Variants in PTPN13 observed in about 807,000 individuals in gnomAD.
The protein encoded by PTPN13 is tyrosine-protein phosphatase non-receptor type 13.
PTPN13 carries 191 observed loss-of-function variants against 284.0 expected under a neutral mutation model. That is an observed-to-expected ratio of 0.67 (90% CI 0.60 to 0.76). The LOEUF is 0.76. Ranked by LOEUF, PTPN13 falls within the 30% of genes least tolerant of loss-of-function variation. The pLI, the probability that PTPN13 is intolerant of heterozygous loss-of-function variation, is 0.00. For synonymous variants in PTPN13, 986 were observed against 1,022.3 expected (o/e 0.96, Z 0.68); for missense variants, 2,797 against 2,939.9 (o/e 0.95, Z 1.12).
chr4:86,752,348 A>G (rs1226289026), intron 19 of PTPN13, among the ~76,000 whole-genome samples: 2 of 152,198 alleles, frequency 1.3e-5, no homozygotes, highest in South Asian at 4.1e-4. Flanking sequence ...ATAAATATTT[A>G]TGGAAGCAAC....
rs62305597 is a variant in PTPN13 at position 86,767,868 on chromosome 4, G to A, written c.4381G>A (p.Val1461Ile). 7 of 1,604,812 alleles carry A rather than the reference G, an allele frequency of 4.4e-6. No homozygotes were observed. Among genetic ancestry groups the A allele is most frequent in the Non-Finnish European group, 6.0e-6 (7 of 1,174,976 alleles). The change falls in exon 28 of 48, where the codon GTC becomes ATC. Residue 1461 changes from valine to isoleucine, a missense_variant. Coordinates refer to ENST00000411767, the MANE Select transcript of PTPN13 (RefSeq NM_080683.3). Reference protein sequence around the residue: ...KGQSPTSKEHVPVTPQCTLSD... With the variant: ...KGQSPTSKEHIPVTPQCTLSD... ...ACAATCTCCAACATCTAAAGAACAT[G>A]TCCCGGTAACCCCACAGTGTACCCT...
In PTPN13 at chr4:86,799,199, A is replaced by G. The variant is rs752409184; in HGVS notation, c.6500A>G (p.Asp2167Gly). 1.2e-4 allele frequency: 183 copies of G among 1,530,726 alleles called. No homozygotes were observed. Among genetic ancestry groups the G allele is most frequent in the Non-Finnish European group, 1.5e-4 (169 of 1,138,698 alleles). 94.8% of individuals were successfully genotyped at this position (1,530,726 alleles called of 1,614,324 possible). Residue 2167 changes from aspartate (D) to glycine (G), a missense_variant, in exon 42 of 48, where the codon GAT becomes GGT. By Grantham distance (94) the Asp-to-Gly change is moderately conservative. Transcript: ENST00000411767. Reference sequence around the variant, plus strand: ...GAGAGAACAAACCATGAAGATTCTGATAAAGGCAAGAATTTTAATGACAGT... The same window carrying G: ...GAGAGAACAAACCATGAAGATTCTGGTAAAGGCAAGAATTTTAATGACAGT... ...PIERTNHEDS[D>G]KDHSFLTNDE...
intron 2 of PTPN13, among the ~76,000 whole-genome samples, chr4:86,645,571 TAAAA>T (rs958481443): frequency 6.6e-6 from 1 of 151,788 alleles, no homozygotes. Context: ...TTAGAAATGA[TAAAA>T]AAAGTAAAAT....
chr4:86,767,983 C>T lies in PTPN13; in HGVS notation c.4489+7C>T. 6.3e-7 allele frequency: 1 copy of T among 1,599,226 alleles called. No homozygotes were observed. Among genetic ancestry groups the T allele is most frequent in the Non-Finnish European group, 8.5e-7 (1 of 1,175,880 alleles). On this transcript the variant is annotated splice_region_variant and intron_variant, in intron 28 of 47. Coordinates refer to ENST00000411767, the MANE Select transcript of PTPN13 (RefSeq NM_080683.3). ...TACAGCTTTGTCACTGAAGGTCAGG[C>T]CTTGGGAGACTACAATCTCACCTTT... is the stretch of plus-strand genomic sequence containing the variant.
At position 86,774,374 on chromosome 4, in the gene PTPN13, A is replaced by T. The variant is rs1740360802; in HGVS notation, c.5351A>T (p.Glu1784Val). ...LENHLEDFEL[E>V]VELLITLIKS... ...AGTATTACTGCTTTTTTCCCTTAGG[A>T]AGTAGAACTCCTCATTACCCTAATT... The change falls in exon 33 of 48, where the codon GAA (glutamate) becomes GTA (valine). Residue 1784 changes from glutamate to valine, a missense_variant and splice_region_variant. Coordinates refer to ENST00000411767, the MANE Select transcript of PTPN13 (RefSeq NM_080683.3). 6.2e-7 allele frequency: 1 copy of T among 1,603,226 alleles called. No individual in the cohort carries two copies.
At chr4:86,662,952 A>AT (rs1726677761) in intron 2 of PTPN13, among the ~76,000 whole-genome samples, 1 of 152,260 alleles carries the variant, frequency 6.6e-6, no homozygotes, top group South Asian at 2.1e-4. Context: ...AAGTTTGAGG[A>AT]TGCAGCCAGC....
At chr4:86,798,405 A>C (rs1435938908) in intron 41 of PTPN13, among the ~76,000 whole-genome samples, 1 of 152,242 alleles carries the variant, frequency 6.6e-6, no homozygotes, top group East Asian at 1.9e-4. Context: ...GCATTAGTCC[A>C]TGTCCTGGTG....
At chr4:86,764,520 G>T (rs1739059464) in intron 24 of PTPN13, 73 bp from the exon 25 acceptor site, 6 of 1,176,740 alleles carry the variant, frequency 5.1e-6, no homozygotes, top group Admixed American at 7.2e-5. Flanking sequence ...TAAAAAAAAA[G>T]AAATTAAAAA....
chr4:86,738,763 C>G (rs183024602), intron 15 of PTPN13, among the ~76,000 whole-genome samples: 1 of 152,254 alleles, frequency 6.6e-6, no homozygotes, highest in East Asian at 1.9e-4. Flanking sequence ...TCACTGCAGC[C>G]TCCACCTCCC....
rs765295948 is a variant in PTPN13 at position 86,741,794 on chromosome 4, A to C, written c.2465A>C (p.Glu822Ala). 5.2e-5 allele frequency: 83 copies of C among 1,604,048 alleles called. No homozygotes were observed. The highest frequency in any genetic ancestry group is 7.0e-5 in the Non-Finnish European group (82 of 1,174,832). The change falls in exon 16 of 48, where the codon GAA (glutamate) becomes GCA (alanine). Residue 822 changes from glutamate to alanine, a missense_variant. Physicochemically the swap from Glu to Ala is moderately radical, Grantham distance 107 (BLOSUM62 -1). Coordinates refer to ENST00000411767, the MANE Select transcript of PTPN13 (RefSeq NM_080683.3). ...RTLVLRFPWRETKKISFSKKK... is the reference protein window; with the variant it reads ...RTLVLRFPWRATKKISFSKKK... ...TTGGTCCTTCGCTTTCCATGGAGGGAAACCAAGAAAATATCTTTTTCTGTA... is the reference window on the plus strand; with the variant it reads ...TTGGTCCTTCGCTTTCCATGGAGGGCAACCAAGAAAATATCTTTTTCTGTA...
chr4:86,642,934 C>T (rs1024433140), intron 2 of PTPN13, among the ~76,000 whole-genome samples: 9 of 152,166 alleles, frequency 5.9e-5, no homozygotes, highest in Non-Finnish European at 1.3e-4. Context: ...GTTATTGCTA[C>T]CTTGGAAAAC....
intron 1 of PTPN13, among the ~76,000 whole-genome samples, chr4:86,602,694 ATTT>A (rs202040513): frequency 2.2e-5 from 3 of 138,042 alleles, no homozygotes; most frequent in African/African-American, 5.3e-5. Context: ...TATTTTTCTG[ATTT>A]TTTTTTTTTT....
intron 5 of PTPN13, among the ~76,000 whole-genome samples, chr4:86,692,056 T>C (rs1730085776): frequency 6.6e-6 from 1 of 152,206 alleles, no homozygotes; most frequent in Admixed American, 6.5e-5. Context: ...ATGAGCTGCT[T>C]TGTGGTCCTT....
At chr4:86,598,123 C>T (rs1479632878) in intron 1 of PTPN13, among the ~76,000 whole-genome samples, 1 of 150,642 alleles carries the variant, frequency 6.6e-6, no homozygotes, top group Non-Finnish European at 1.5e-5. Context: ...ATAATATATA[C>T]TTCTCAAGGC....
At chr4:86,648,063 C>T (rs1724640425) in intron 2 of PTPN13, among the ~76,000 whole-genome samples, 1 of 152,014 alleles carries the variant, frequency 6.6e-6, no homozygotes, top group African/African-American at 2.4e-5. Context: ...TGGAGATCTT[C>T]AACAGATTAA....
chr4:86,734,494 C>A, intron 13 of PTPN13, 38 bp downstream of exon 13: 1 of 1,476,128 alleles, frequency 6.8e-7, no homozygotes, highest in Non-Finnish European at 9.1e-7. Flanking sequence ...TCTTTTTGGA[C>A]ACTGGTCTTT....
intron 10 of PTPN13, among the ~76,000 whole-genome samples, chr4:86,725,697 C>A (rs922396317): frequency 6.7e-6 from 1 of 149,528 alleles, no homozygotes; most frequent in Admixed American, 6.7e-5. Flanking sequence ...TGTTGAAGTT[C>A]TTTGTAGATT....
intron 17 of PTPN13, among the ~76,000 whole-genome samples, chr4:86,746,294 A>G (rs1369736914): frequency 2.6e-5 from 4 of 152,224 alleles, no homozygotes; most frequent in Non-Finnish European, 4.4e-5. Context: ...CTAATTCTAC[A>G]TAGTAAATTC....
At chr4:86,783,937 A>G (rs1741616116) in intron 37 of PTPN13, among the ~76,000 whole-genome samples, 1 of 152,040 alleles carries the variant, frequency 6.6e-6, no homozygotes, top group South Asian at 2.1e-4. Context: ...GACTTAGACT[A>G]GATTTGAAAA....
Sources: gnomAD v4.1 joint callset for allele counts (sites outside exome capture counted in the v4.1 genomes callset) on GRCh38, gnomAD v4.1.1 for gene constraint, MANE v1.5 for transcripts, NCBI Gene and HGNC (gene_info 2026-07-23, HGNC 2026-07-21) for gene names.